Variants in NCOA2 observed in about 807,000 individuals in gnomAD.
NCOA2 encodes the protein class E basic helix-loop-helix protein 75.
In NCOA2, 21 loss-of-function variants were observed where a neutral mutation model predicts 145.1. That is an observed-to-expected ratio of 0.14 (90% CI 0.10 to 0.21). The LOEUF is 0.21. Among genes scored for constraint, NCOA2 ranks in the 10% least tolerant of loss-of-function variants. The pLI, the probability that NCOA2 is intolerant of heterozygous loss-of-function variation, is 1.00. For missense variants in NCOA2, 1,472 were observed against 1,837.6 expected (o/e 0.80, Z 3.64); for synonymous variants, 619 against 637.5 (o/e 0.97, Z 0.44).
At chr8:70,159,217 TAAC>T (rs1255128724) in intron 10 of NCOA2, among the ~76,000 whole-genome samples, 26 of 112,198 alleles carry the variant, frequency 2.3e-4, no homozygotes, top group African/African-American at 9.8e-4. Flanking sequence ...TAATACAGTA[TAAC>T]ATTATATATA....
At chr8:70,348,027 A>T (rs1808838327) in intron 1 of NCOA2, among the ~76,000 whole-genome samples, 1 of 152,262 alleles carries the variant, frequency 6.6e-6, no homozygotes, top group Admixed American at 6.5e-5. Flanking sequence ...AAAGCAATAA[A>T]AAGGAAAGAG....
intron 18 of NCOA2, among the ~76,000 whole-genome samples, chr8:70,127,263 T>G (rs1377713207): frequency 2.0e-5 from 3 of 152,196 alleles, no homozygotes; most frequent in Admixed American, 1.3e-4. Flanking sequence ...AGCTTTGCTA[T>G]GACTCAGCAG....
intron 1 of NCOA2, among the ~76,000 whole-genome samples, chr8:70,397,677 C>T (rs911422955): frequency 6.6e-6 from 1 of 152,168 alleles, no homozygotes; most frequent in African/African-American, 2.4e-5. Context: ...ATACACCACA[C>T]AGGACTCAAG....
At chr8:70,314,201 A>AAAAAAAAAAAAAAAAAAAAAAC in intron 1 of NCOA2, among the ~76,000 whole-genome samples, 1 of 146,938 alleles carries the variant, frequency 6.8e-6, no homozygotes, top group Non-Finnish European at 1.5e-5. Flanking sequence ...AAAAAAAAAA[A>AAAAAAAAAAAAAAAAAAAAAAC]AAAAAAAGCA....
At chr8:70,219,853 A>G (rs1819989834) in intron 2 of NCOA2, among the ~76,000 whole-genome samples, 1 of 152,178 alleles carries the variant, frequency 6.6e-6, no homozygotes, top group Non-Finnish European at 1.5e-5. Context: ...GCTGGCAGCA[A>G]GTGTCAGTAT....
chr8:70,243,070 T>C (rs1822286299), intron 2 of NCOA2, among the ~76,000 whole-genome samples: 1 of 152,066 alleles, frequency 6.6e-6, no homozygotes, highest in Non-Finnish European at 1.5e-5. Flanking sequence ...CCTCTAAAAG[T>C]AAATACTGTT....
chr8:70,197,488 C>T (rs1817452765), intron 4 of NCOA2, among the ~76,000 whole-genome samples: 1 of 152,140 alleles, frequency 6.6e-6, no homozygotes, highest in South Asian at 2.1e-4. Flanking sequence ...TTAACGATTT[C>T]TTTGTTGTCT....
chr8:70,190,174 T>C (rs1196290077), intron 4 of NCOA2, among the ~76,000 whole-genome samples: 2 of 152,164 alleles, frequency 1.3e-5, no homozygotes, highest in Non-Finnish European at 2.9e-5. Flanking sequence ...ATAAATCCAA[T>C]TGCCAAGGAA....
intron 1 of NCOA2, among the ~76,000 whole-genome samples, chr8:70,375,692 A>T (rs970996226): frequency 6.6e-6 from 1 of 152,178 alleles, no homozygotes; most frequent in African/African-American, 2.4e-5. Context: ...ACCTGGTTAG[A>T]GTTCCACAAC....
intron 5 of NCOA2, among the ~76,000 whole-genome samples, chr8:70,173,517 G>C (rs1447560371): frequency 6.6e-6 from 1 of 152,162 alleles, no homozygotes; most frequent in African/African-American, 2.4e-5. Context: ...TAAGAACCCA[G>C]AGAGAAGTAG....
intron 1 of NCOA2, among the ~76,000 whole-genome samples, chr8:70,392,108 T>C (rs988656222): frequency 6.6e-6 from 1 of 152,216 alleles, no homozygotes; most frequent in African/African-American, 2.4e-5. Flanking sequence ...GTAGGAAATT[T>C]TTCATAAAGA....
intron 1 of NCOA2, among the ~76,000 whole-genome samples, chr8:70,322,495 G>A (rs1183930176): frequency 6.6e-6 from 1 of 152,078 alleles, no homozygotes; most frequent in Non-Finnish European, 1.5e-5. Context: ...ATACAAAACA[G>A]CTAGCACCAA....
chr8:70,192,900 C>CT (rs1489523067), intron 4 of NCOA2, among the ~76,000 whole-genome samples: 3 of 151,822 alleles, frequency 2.0e-5, no homozygotes, highest in African/African-American at 7.3e-5. Context: ...AAACTCATCA[C>CT]TACTAAAAAT....
intron 2 of NCOA2, among the ~76,000 whole-genome samples, chr8:70,285,268 C>T (rs1314603747): frequency 6.6e-6 from 1 of 151,808 alleles, no homozygotes; most frequent in Non-Finnish European, 1.5e-5. Flanking sequence ...CTGTAGATAC[C>T]CAAGTGTTAT....
At chr8:70,319,007 C>G (rs566476968) in intron 1 of NCOA2, among the ~76,000 whole-genome samples, 1 of 152,288 alleles carries the variant, frequency 6.6e-6, no homozygotes, top group South Asian at 2.1e-4. Context: ...TAAGCTCTTT[C>G]TTGAAAAAAA....
intron 14 of NCOA2, among the ~76,000 whole-genome samples, chr8:70,139,680 T>C (rs1168299845): frequency 8.4e-6 from 1 of 119,580 alleles, no homozygotes; most frequent in African/African-American, 3.5e-5. Flanking sequence ...TGAGGAGGAG[T>C]CTCACTCTGT....
At chr8:70,450,841 A>G in the NCOA2 span, among the ~76,000 whole-genome samples, 1 of 150,116 alleles carries the variant, frequency 6.7e-6, no homozygotes, top group Non-Finnish European at 1.5e-5. Context: ...TGCTGGAATT[A>G]CAGGCATGAG....
chr8:70,280,502 A>G (rs1825794435), intron 2 of NCOA2, among the ~76,000 whole-genome samples: 1 of 152,222 alleles, frequency 6.6e-6, no homozygotes, highest in Admixed American at 6.5e-5. Context: ...CATGTAAGAT[A>G]TAGAAATACT....
intron 22 of NCOA2, among the ~76,000 whole-genome samples, chr8:70,115,450 T>C (rs1021088164): frequency 1.3e-5 from 2 of 152,230 alleles, no homozygotes; most frequent in Non-Finnish European, 2.9e-5. Context: ...ACCCTGGCTG[T>C]GTCACTTTAG....
Sources: allele counts gnomAD v4.1 joint callset (sites outside exome capture counted in the v4.1 genomes callset), GRCh38; gene constraint gnomAD v4.1.1; transcripts MANE v1.5; gene names NCBI Gene and HGNC (gene_info 2026-07-23, HGNC 2026-07-21).